Variants in TRAT1 observed in about 807,000 individuals in gnomAD.
The protein encoded by TRAT1 is T-cell receptor-associated transmembrane adapter 1.
Under a neutral mutation model 20.0 loss-of-function variants are expected in TRAT1, and 20 were observed. The observed-to-expected ratio is 1.00, with a 90% confidence interval of 0.70 to 1.45. The LOEUF is 1.45. Ranked by LOEUF, TRAT1 falls within the 40% of genes most tolerant of loss-of-function variation. TRAT1 has a pLI of 0.00. For synonymous variants in TRAT1, 77 were observed against 74.2 expected, an observed-to-expected ratio of 1.04 and a Z score of -0.20; for missense variants, 237 against 224.1, an observed-to-expected ratio of 1.06 and a Z score of -0.37.
intron 2 of TRAT1, among the ~76,000 whole-genome samples, chr3:108,832,888 T>A (rs1945807218): frequency 6.6e-6 from 1 of 152,186 alleles, no homozygotes; most frequent in South Asian, 2.1e-4. Flanking sequence ...ATCAACATCA[T>A]CAAGATCAGG....
In TRAT1 at chr3:108,830,760, AT is replaced by A. The variant is rs1177794675; in HGVS notation, c.99del (p.Tyr33Ter). 7.4e-6 allele frequency: 12 copies of A among 1,612,368 alleles called. No homozygotes were observed. The highest frequency in any genetic ancestry group is 1.0e-5 in the Non-Finnish European group (12 of 1,178,564). On this transcript the variant is annotated frameshift_variant, in exon 2 of 6. Transcript: ENST00000295756. LOFTEE classifies it high-confidence loss of function. ...VISLIFNISH[Y>X]VEKQRQDKMY... is the part of the protein sequence containing the mutation. ...TCACTGATCTTCAATATTTCCCACT[AT>A]GTGGAAAAGCAACGACAAGGTAAGA...
rs71103495 is a variant in TRAT1, at chr3:108,844,843, CA to C, written c.153-2199del. Among the ~76,000 whole-genome samples, 267 of 47,828 alleles carry C rather than the reference CA, an allele frequency of 5.6e-3. 2 individuals are homozygous for C. The highest frequency in any genetic ancestry group is 0.014 in the Middle Eastern group (1 of 74). The allele number at this position is 47,828 out of a possible 152,430, so 31.4% of individuals were successfully genotyped here. ...TGGGTGACAGAGAGAGACTCTGTCT[CA>C]AAAAAAAAAAAAAAAAAAAAAAAAA... On this transcript the variant is annotated intron_variant, in intron 3 of 5. Coordinates refer to ENST00000295756, the MANE Select transcript of TRAT1 (RefSeq NM_016388.4).
chr3:108,842,751 C>T (rs535880560), intron 3 of TRAT1, among the ~76,000 whole-genome samples: 3 of 152,286 alleles, frequency 2.0e-5, no homozygotes, highest in South Asian at 2.1e-4. Context: ...GTATCCTTTC[C>T]GCCAAACTTT....
At chr3:108,830,860 C>T in intron 2 of TRAT1, 80 bp downstream of exon 2, 1 of 860,852 alleles carries the variant, frequency 1.2e-6, no homozygotes, top group Non-Finnish European at 1.9e-6. Context: ...TGGAAGCAGA[C>T]AATTTTATGA....
intron 1 of TRAT1, among the ~76,000 whole-genome samples, chr3:108,827,422 ACGTTT>A (rs1945751994): frequency 7.2e-6 from 1 of 138,926 alleles, no homozygotes; most frequent in Non-Finnish European, 1.6e-5. Flanking sequence ...GTGTGTGTGT[ACGTTT>A]ATACAGACCT....
intron 3 of TRAT1, among the ~76,000 whole-genome samples, chr3:108,844,150 T>C (rs1171743381): frequency 3.9e-5 from 6 of 152,222 alleles, no homozygotes; most frequent in Non-Finnish European, 8.8e-5. Flanking sequence ...TTTATTTCGT[T>C]TTGTAAAAAA....
In TRAT1 at chr3:108,847,218, C is replaced by A. The variant is rs1194590100; in HGVS notation, c.214+89C>A. The A allele has an allele frequency of 8.1e-6, 6 of 741,288 alleles. No individual in the cohort carries two copies. The East Asian group carries it at 1.6e-4, about 20-fold the overall frequency. The allele number at this position is 741,288 out of a possible 1,614,324, so 45.9% of individuals were successfully genotyped here. A position where few individuals can be genotyped will look rare whatever the true frequency, so the allele number is the denominator to read the frequency against. ...AAGTGGCGCTTTAAAAAAATCAAAT[C>A]ACACTTAGCTATCCCAGTGATAACC... On this transcript the variant is annotated intron_variant, in intron 4 of 5. Transcript: ENST00000295756.
chr3:108,828,683 T>A (rs2107506484), intron 1 of TRAT1, among the ~76,000 whole-genome samples: 1 of 152,298 alleles, frequency 6.6e-6, no homozygotes, highest in Non-Finnish European at 1.5e-5. Flanking sequence ...AAAACATGTT[T>A]TATTTTGTCC....
At chr3:108,844,460 C>A (rs1304015151) in intron 3 of TRAT1, among the ~76,000 whole-genome samples, 3,624 of 151,040 alleles carry the variant, frequency 0.024, 138 homozygotes, top group African/African-American at 0.08. Flanking sequence ...TTTAAATGGA[C>A]TTTGATCACA....
intron 4 of TRAT1, among the ~76,000 whole-genome samples, chr3:108,848,079 AG>A (rs1945964469): frequency 6.6e-6 from 1 of 152,166 alleles, no homozygotes; most frequent in South Asian, 2.1e-4. Context: ...TTCACTTTGG[AG>A]AATCATGTTA....
intron 1 of TRAT1, among the ~76,000 whole-genome samples, chr3:108,824,368 T>G (rs941178319): frequency 2.6e-5 from 4 of 152,134 alleles, no homozygotes; most frequent in African/African-American, 9.7e-5. Context: ...TAGCAGTGCT[T>G]CTCCTTCACA....
At chr3:108,843,143 G>A (rs138491870) in intron 3 of TRAT1, among the ~76,000 whole-genome samples, 1 of 152,266 alleles carries the variant, frequency 6.6e-6, no homozygotes, top group Non-Finnish European at 1.5e-5. Context: ...TTGTGATTCT[G>A]CATTGTTACT....
At chr3:108,844,825 C>G (rs1243344374) in intron 3 of TRAT1, among the ~76,000 whole-genome samples, 1 of 104,580 alleles carries the variant, frequency 9.6e-6, no homozygotes, top group Non-Finnish European at 1.7e-5. Context: ...GCCTGGGTGA[C>G]AGAGAGAGAC....
In TRAT1 at chr3:108,849,259, G is replaced by C; in HGVS notation, c.303+5G>C. 6.2e-7 allele frequency: 1 copy of C among 1,612,156 alleles called. No individual in the cohort carries two copies. The highest frequency in any genetic ancestry group is 1.1e-5 in the South Asian group (1 of 90,782). On this transcript the variant is annotated splice_donor_5th_base_variant and intron_variant, in intron 5 of 5. Transcript: ENST00000295756. ...GAAGCCACCCCATCTGCACAGGTGAGTTTTGTTTTCTGTTTCCACATTTGC... is the reference window on the plus strand; with the variant it reads ...GAAGCCACCCCATCTGCACAGGTGACTTTTGTTTTCTGTTTCCACATTTGC...
intron 2 of TRAT1, among the ~76,000 whole-genome samples, chr3:108,834,194 T>A (rs1422484919): frequency 6.6e-6 from 1 of 152,244 alleles, no homozygotes; most frequent in Non-Finnish European, 1.5e-5. Flanking sequence ...TAGAGTTTTA[T>A]GGAATTGATT....
chr3:108,824,541 TA>T (rs1945719655), intron 1 of TRAT1, among the ~76,000 whole-genome samples: 1 of 152,212 alleles, frequency 6.6e-6, no homozygotes, highest in Non-Finnish European at 1.5e-5. Context: ...CTCTTTTGCT[TA>T]ATTAGTATGC....
At chr3:108,848,528 A>G (rs1173273701) in intron 4 of TRAT1, among the ~76,000 whole-genome samples, 1 of 152,188 alleles carries the variant, frequency 6.6e-6, no homozygotes, top group African/African-American at 2.4e-5. Context: ...GCATGTCCCC[A>G]TAGGATGAAA....
chr3:108,849,554 A>G (rs550757936), intron 5 of TRAT1, among the ~76,000 whole-genome samples: 2 of 152,334 alleles, frequency 1.3e-5, no homozygotes, highest in South Asian at 4.1e-4. Flanking sequence ...ATAATATAAT[A>G]TAGAAGGTGA....
intron 3 of TRAT1, chr3:108,839,278 A>C: frequency 3.1e-6 from 1 of 327,266 alleles, no homozygotes; most frequent in Non-Finnish European, 5.5e-6. Context: ...TTAGATACAG[A>C]ATTGTGCTAC....
Sources: allele counts gnomAD v4.1 joint callset (sites outside exome capture counted in the v4.1 genomes callset), GRCh38; gene constraint gnomAD v4.1.1; transcripts MANE v1.5; gene names NCBI Gene and HGNC (gene_info 2026-07-23, HGNC 2026-07-21).